Variants in DNAH5 observed in about 807,000 individuals in gnomAD.
DNAH5 encodes axonemal beta dynein heavy chain 5.
Under a neutral mutation model 518.2 loss-of-function variants are expected in DNAH5, and 372 were observed. The ratio of observed to expected loss-of-function variants is 0.72; its 90% CI spans 0.66 to 0.78. DNAH5 has a LOEUF of 0.78. DNAH5 is among the 30% of genes least tolerant of loss of function. The pLI is 0.00. For synonymous variants in DNAH5, 2,039 were observed against 2,025.9 expected, an observed-to-expected ratio of 1.01 and a Z score of -0.17; for missense variants, 5,523 against 5,687.0, an observed-to-expected ratio of 0.97 and a Z score of 0.93.
At chr5:13,840,155 T>C (rs764582890) in intron 34 of DNAH5, among the ~76,000 whole-genome samples, 1 of 152,238 alleles carries the variant, frequency 6.6e-6, no homozygotes, top group Non-Finnish European at 1.5e-5. Context: ...GTAAGTAGTG[T>C]GCTTAACTAT....
chr5:13,944,801 A>G (rs552021968), upstream of DNAH5, among the ~76,000 whole-genome samples: 2 of 152,226 alleles, frequency 1.3e-5, no homozygotes, highest in Admixed American at 1.3e-4. Context: ...CTGTTGTTCA[A>G]TTAATTCTAT....
chr5:13,994,285 C>T (rs370527301), intron 1 of DNAH5, among the ~76,000 whole-genome samples: 1 of 152,136 alleles, frequency 6.6e-6, no homozygotes, highest in Non-Finnish European at 1.5e-5. Context: ...GTTCCCCGAG[C>T]CCCCAACAAG....
intron 12 of DNAH5, among the ~76,000 whole-genome samples, chr5:13,905,599 T>G (rs1775189731): frequency 6.6e-6 from 1 of 152,092 alleles, no homozygotes; most frequent in African/African-American, 2.4e-5. Context: ...ATGGTCAAAA[T>G]CTAGAATGCT....
intron 31 of DNAH5, among the ~76,000 whole-genome samples, chr5:13,845,560 TGA>T (rs1201279616): frequency 1.3e-5 from 2 of 152,116 alleles, no homozygotes; most frequent in African/African-American, 4.8e-5. Context: ...CAAAATCCAC[TGA>T]ATGTTCCCGA....
intron 44 of DNAH5, 98 bp downstream of exon 44, chr5:13,811,549 T>A: frequency 8.3e-7 from 1 of 1,203,674 alleles, no homozygotes; most frequent in East Asian, 2.4e-5. Context: ...ACTCTCTGTA[T>A]AGCATGGCTA....
At position 13,919,227 on chromosome 5, in the gene DNAH5, A is replaced by G; in HGVS notation, c.924T>C (p.Asp308=). 1.2e-6 allele frequency: 2 copies of G among 1,614,040 alleles called. No individual in the cohort carries two copies. Among genetic ancestry groups the G allele is most frequent in the East Asian group, 2.2e-5 (1 of 44,882 alleles). The part of the protein sequence containing the change: ...NYLLEQLKSP[D]VKAVLAVLAA... Reference sequence around the variant, plus strand: ...CAAGCACTGCCAGCACAGCCTTCACATCCGGGCTTTTCAATTGTTCCAAAA... The same window carrying G: ...CAAGCACTGCCAGCACAGCCTTCACGTCCGGGCTTTTCAATTGTTCCAAAA... The change falls in exon 7 of 79, where the codon GAT becomes GAC. Residue 308 remains aspartate (D), a synonymous_variant. Transcript: ENST00000265104.
chr5:13,897,282 T>C (rs985834082), intron 15 of DNAH5, among the ~76,000 whole-genome samples: 1 of 152,244 alleles, frequency 6.6e-6, no homozygotes, highest in Non-Finnish European at 1.5e-5. Context: ...CTGAAACTTG[T>C]ATCCACTGCT....
chr5:14,000,352 G>A (rs577831615), intron 1 of DNAH5, among the ~76,000 whole-genome samples: 127 of 152,328 alleles, frequency 8.3e-4, no homozygotes, highest in Non-Finnish European at 1.6e-3. Context: ...GAGTGAGCAC[G>A]GCCCTTGCCA....
chr5:13,899,191 A>G (rs1288684512), intron 15 of DNAH5: 1 of 151,874 alleles, frequency 6.6e-6, no homozygotes, highest in East Asian at 1.9e-4. Context: ...TCAGCCTCCC[A>G]AAGTGCTGGG....
chr5:13,847,831 A>C (rs1192517385), intron 31 of DNAH5, among the ~76,000 whole-genome samples: 1 of 152,020 alleles, frequency 6.6e-6, no homozygotes, highest in Non-Finnish European at 1.5e-5. Flanking sequence ...AAGGGAGAGA[A>C]AAGCAATAAA....
intron 1 of DNAH5, among the ~76,000 whole-genome samples, chr5:14,009,688 T>C (rs1784985112): frequency 6.6e-6 from 1 of 152,182 alleles, no homozygotes; most frequent in Admixed American, 6.5e-5. Flanking sequence ...CGATTGCTGG[T>C]CTTCACTTTG....
At chr5:13,952,239 C>T (rs1199179633) in intron 1 of DNAH5, among the ~76,000 whole-genome samples, 4 of 152,166 alleles carry the variant, frequency 2.6e-5, no homozygotes, top group Non-Finnish European at 5.9e-5. Context: ...AGCACTCACG[C>T]CCACACTAAG....
chr5:13,881,457 A>T (rs1398213531), intron 21 of DNAH5, among the ~76,000 whole-genome samples: 5 of 152,052 alleles, frequency 3.3e-5, no homozygotes, highest in African/African-American at 1.2e-4. Context: ...ATAACAAATT[A>T]TAACAAATCT....
intron 19 of DNAH5, 75 bp from the exon 20 acceptor site, chr5:13,883,169 A>T (rs1339582890): frequency 7.0e-7 from 1 of 1,438,702 alleles, no homozygotes; most frequent in African/African-American, 1.4e-5. Context: ...TAACCATAAA[A>T]ATTAAAACAA....
At chr5:13,899,020 C>G (rs1390531519) in intron 15 of DNAH5, 2 of 156,980 alleles carry the variant, frequency 1.3e-5, no homozygotes, top group African/African-American at 4.8e-5. Flanking sequence ...CAACCTCCAT[C>G]TCTAGGTTCA....
chr5:13,798,058 G>GT (rs1758107169), intron 47 of DNAH5, among the ~76,000 whole-genome samples: 2 of 150,854 alleles, frequency 1.3e-5, no homozygotes. Flanking sequence ...CTGTCTGGGG[G>GT]TGGGGGGCTG....
At chr5:13,693,084 T>C (rs1740917403) in intron 78 of DNAH5, among the ~76,000 whole-genome samples, 1 of 152,124 alleles carries the variant, frequency 6.6e-6, no homozygotes, top group Non-Finnish European at 1.5e-5. Context: ...TCTCAGGAAA[T>C]AGTATATTAT....
intron 3 of DNAH5, 87 bp downstream of exon 3, chr5:13,928,007 C>T (rs1580932247): frequency 8.5e-6 from 10 of 1,177,056 alleles, no homozygotes; most frequent in African/African-American, 4.5e-5. Flanking sequence ...GAAACAGGTC[C>T]GTTCTCACAG....
intron 37 of DNAH5, 127 bp downstream of exon 37, chr5:13,829,897 GTT>G (rs2151836022): frequency 3.4e-6 from 3 of 890,208 alleles, no homozygotes; most frequent in East Asian, 5.7e-5. Context: ...ACACCAAAAG[GTT>G]TTCAAAAGGA....
Sources: gnomAD v4.1 joint callset for allele counts (sites outside exome capture counted in the v4.1 genomes callset) on GRCh38, gnomAD v4.1.1 for gene constraint, MANE v1.5 for transcripts, NCBI Gene and HGNC (gene_info 2026-07-23, HGNC 2026-07-21) for gene names.